COL21A1: variants seen among roughly 807,000 people sequenced by gnomAD.
COL21A1 encodes collagen type XXI alpha 1 chain, also known as collagen alpha-1(XXI) chain.
Under a neutral mutation model 137.9 loss-of-function variants are expected in COL21A1, and 149 were observed. The observed-to-expected ratio is 1.08, with a 90% confidence interval of 0.95 to 1.24. The LOEUF (loss-of-function observed/expected upper bound fraction) is 1.24, where lower values mean the gene tolerates loss of function less well. COL21A1 is among the 50% of genes most tolerant of loss of function. COL21A1 has a pLI of 0.00. For missense variants in COL21A1, 1,167 were observed against 1,158.4 expected, an observed-to-expected ratio of 1.01 and a Z score of -0.11; for synonymous variants, 456 against 391.5, an observed-to-expected ratio of 1.16 and a Z score of -1.95.
intron 1 of COL21A1, among the ~76,000 whole-genome samples, chr6:56,276,982 T>TTATTTC (rs1763678975): frequency 6.6e-6 from 1 of 151,048 alleles, no homozygotes; most frequent in African/African-American, 2.4e-5. Flanking sequence ...TAATTTATTT[T>TTATTTC]TATTTTTATT....
At chr6:56,166,731 A>G (rs1242781805) in intron 7 of COL21A1, 175 bp downstream of exon 7, 2 of 691,236 alleles carry the variant, frequency 2.9e-6, no homozygotes, top group Non-Finnish European at 2.6e-6. Flanking sequence ...TAACAATCTC[A>G]TTTCAATTAT....
rs1178839862 is a variant in COL21A1 at position 56,260,614 on chromosome 6, A to AAG, written c.-38-77959_-38-77958insCT. ...AAGAAGAAGAAGAAGAAGAAGAAAG[A>AAG]AAGAGAGAGAGAGGAAGGAAGGAAG... On this transcript the variant is annotated intron_variant, in intron 1 of 28. Coordinates refer to the COL21A1 transcript ENST00000370819. Among the ~76,000 whole-genome samples the AAG allele has an allele frequency of 1.3e-3, 175 of 133,234 alleles. 2 individuals carry two copies. The highest frequency in any genetic ancestry group is 4.0e-3 in the Middle Eastern group (1 of 252). 87.4% of individuals were successfully genotyped at this position (133,234 alleles called of 152,430 possible). A position where few individuals can be genotyped will look rare whatever the true frequency, so the allele number is the denominator to read the frequency against.
chr6:56,307,867 C>A (rs1432857907), intron 1 of COL21A1, among the ~76,000 whole-genome samples: 1 of 152,172 alleles, frequency 6.6e-6, no homozygotes, highest in Non-Finnish European at 1.5e-5. Context: ...CTTGGCTCCA[C>A]CCCCTCTTTA....
At chr6:56,058,860 G>C (rs1229222852) in intron 29 of COL21A1, among the ~76,000 whole-genome samples, 2 of 152,100 alleles carry the variant, frequency 1.3e-5, no homozygotes, top group Non-Finnish European at 2.9e-5. Context: ...GCTTCCCTGA[G>C]AGTCATAAAG....
intron 17 of COL21A1, among the ~76,000 whole-genome samples, chr6:56,097,986 T>TATATAA (rs1315609223): frequency 2.2e-5 from 1 of 45,924 alleles, no homozygotes; most frequent in Non-Finnish European, 3.4e-5. Flanking sequence ...TATATATAAA[T>TATATAA]ATATATGTAA....
chr6:56,167,188 C>G (rs1776647917), intron 6 of COL21A1, among the ~76,000 whole-genome samples: 1 of 152,202 alleles, frequency 6.6e-6, no homozygotes, highest in South Asian at 2.1e-4. Context: ...AGAAAAATTC[C>G]CTAGCACCAA....
intron 16 of COL21A1, among the ~76,000 whole-genome samples, chr6:56,117,446 T>C (rs890717945): frequency 6.6e-6 from 1 of 152,024 alleles, no homozygotes; most frequent in Admixed American, 6.6e-5. Context: ...GGAAATATTA[T>C]TAGAGCTAAA....
At chr6:56,320,691 T>G (rs1298085807) in intron 1 of COL21A1, among the ~76,000 whole-genome samples, 1 of 152,164 alleles carries the variant, frequency 6.6e-6, no homozygotes, top group East Asian at 1.9e-4. Flanking sequence ...CTCTTTCCAT[T>G]GATATTCATG....
chr6:56,081,789 T>C (rs1306529677), intron 17 of COL21A1, among the ~76,000 whole-genome samples: 6 of 151,936 alleles, frequency 3.9e-5, no homozygotes, highest in Non-Finnish European at 1.5e-5. Context: ...TTATTCACCC[T>C]GGCCTGTAGA....
chr6:56,228,056 G>GT (rs952821886), intron 1 of COL21A1, among the ~76,000 whole-genome samples: 1 of 151,968 alleles, frequency 6.6e-6, no homozygotes, highest in Non-Finnish European at 1.5e-5. Context: ...CCCATGGAGA[G>GT]TGGGAAAGGG....
intron 1 of COL21A1, among the ~76,000 whole-genome samples, chr6:56,299,036 T>C (rs1764222798): frequency 6.6e-6 from 1 of 152,110 alleles, no homozygotes; most frequent in African/African-American, 2.4e-5. Context: ...AAAAACCTCA[T>C]CTTTTGTAAT....
At chr6:56,101,166 G>A (rs557076572) in intron 17 of COL21A1, among the ~76,000 whole-genome samples, 1 of 152,232 alleles carries the variant, frequency 6.6e-6, no homozygotes, top group South Asian at 2.1e-4. Context: ...ATAGATGAGT[G>A]GTAAAGTGAC....
chr6:56,341,354 A>C lies in COL21A1; in HGVS notation c.-39+52617T>G, dbSNP rs6904796. On this transcript the variant is annotated intron_variant, in intron 1 of 28. Coordinates refer to the COL21A1 transcript ENST00000370819. Reference sequence around the variant, plus strand: ...AACTCCATTATTCAAGGATGGAATAATAATTACATTTGTTGTGGTAAATCC... The same window carrying C: ...AACTCCATTATTCAAGGATGGAATACTAATTACATTTGTTGTGGTAAATCC... 7.2e-3 allele frequency among the ~76,000 whole-genome samples: 1,093 copies of C among 152,342 alleles called. 11 individuals are homozygous for C. Among genetic ancestry groups the C allele is most frequent in the African/African-American group, 0.025 (1,029 of 41,576 alleles).
intron 1 of COL21A1, among the ~76,000 whole-genome samples, chr6:56,244,600 G>T (rs561747226): frequency 6.6e-6 from 1 of 152,168 alleles, no homozygotes; most frequent in Non-Finnish European, 1.5e-5. Context: ...GTATCCTAAT[G>T]AAGATCTGAT....
At chr6:56,110,691 G>A (rs1322769650) in intron 16 of COL21A1, among the ~76,000 whole-genome samples, 2 of 151,802 alleles carry the variant, frequency 1.3e-5, no homozygotes, top group South Asian at 4.2e-4. Context: ...CCATATGCTA[G>A]CAACAAACTG....
intron 1 of COL21A1, among the ~76,000 whole-genome samples, chr6:56,321,721 T>C (rs925899052): frequency 6.6e-6 from 1 of 152,038 alleles, no homozygotes; most frequent in Non-Finnish European, 1.5e-5. Flanking sequence ...AGTTTTGAAG[T>C]TGAGGAGCGC....
chr6:56,264,115 T>C (rs1238178470), intron 1 of COL21A1, among the ~76,000 whole-genome samples: 4 of 152,218 alleles, frequency 2.6e-5, no homozygotes, highest in African/African-American at 9.6e-5. Context: ...GTCTTTATGA[T>C]GAATGAAGTC....
At chr6:56,244,790 G>C (rs1782549690) in intron 1 of COL21A1, among the ~76,000 whole-genome samples, 16 of 152,138 alleles carry the variant, frequency 1.1e-4, no homozygotes, top group Admixed American at 1.0e-3. Flanking sequence ...TAAAATAAAA[G>C]AGAATGGAAA....
At chr6:56,081,306 G>A (rs1262534459) in intron 17 of COL21A1, among the ~76,000 whole-genome samples, 1 of 146,906 alleles carries the variant, frequency 6.8e-6, no homozygotes, top group African/African-American at 2.5e-5. Context: ...TTCCAAAAAT[G>A]TCCATTATAT....
Sources: allele counts gnomAD v4.1 joint callset (sites outside exome capture counted in the v4.1 genomes callset), GRCh38; gene constraint gnomAD v4.1.1; transcripts MANE v1.5; gene names NCBI Gene and HGNC (gene_info 2026-07-23, HGNC 2026-07-21).